SNTB1: variants seen among roughly 807,000 people sequenced by gnomAD.
The protein encoded by SNTB1 is syntrophin beta 1, also known as beta-1-syntrophin.
Under a neutral mutation model 48.9 loss-of-function variants are expected in SNTB1, and 36 were observed. That is an observed-to-expected ratio of 0.74 (90% CI 0.56 to 0.97). The LOEUF (loss-of-function observed/expected upper bound fraction) is 0.97. Ranked by LOEUF, SNTB1 falls within the 50% of genes least tolerant of loss-of-function variation. SNTB1 has a pLI of 0.00. For synonymous variants in SNTB1, 299 were observed against 294.6 expected, an observed-to-expected ratio of 1.01 and a Z score of -0.15; for missense variants, 786 against 703.4, an observed-to-expected ratio of 1.12 and a Z score of -1.33.
chr8:120,683,226 T>A (rs905413166), intron 2 of SNTB1, among the ~76,000 whole-genome samples: 2 of 152,182 alleles, frequency 1.3e-5, no homozygotes, highest in African/African-American at 4.8e-5. Context: ...CTTCTTATGT[T>A]AAATTACACT....
chr8:120,699,101 T>C (rs1001244712), intron 1 of SNTB1, among the ~76,000 whole-genome samples: 2 of 152,216 alleles, frequency 1.3e-5, no homozygotes, highest in African/African-American at 4.8e-5. Context: ...GACTGCTCTG[T>C]ATCCCTGGTG....
At chr8:120,653,814 C>A (rs374922184) in intron 2 of SNTB1, among the ~76,000 whole-genome samples, 20 of 151,502 alleles carry the variant, frequency 1.3e-4, no homozygotes, top group Non-Finnish European at 2.4e-4. Flanking sequence ...CCGAGGCGGG[C>A]GGATCACAAG....
chr8:120,761,813 A>ATC (rs1819425660), intron 1 of SNTB1, among the ~76,000 whole-genome samples: 2 of 152,238 alleles, frequency 1.3e-5, no homozygotes, highest in Non-Finnish European at 2.9e-5. Flanking sequence ...GAATAGATAT[A>ATC]GGATACTTGA....
chr8:120,750,906 G>A (rs1357984836), intron 1 of SNTB1, among the ~76,000 whole-genome samples: 1 of 151,106 alleles, frequency 6.6e-6, no homozygotes, highest in Non-Finnish European at 1.5e-5. Flanking sequence ...CCTTCCCCAA[G>A]CTACCCCCCA....
At chr8:120,672,208 C>T (rs1475695004) in intron 2 of SNTB1, among the ~76,000 whole-genome samples, 1 of 152,190 alleles carries the variant, frequency 6.6e-6, no homozygotes, top group East Asian at 1.9e-4. Flanking sequence ...GTATTAAATG[C>T]ATTTTTGACT....
At chr8:120,548,123 C>T (rs952585302) in intron 5 of SNTB1, among the ~76,000 whole-genome samples, 7 of 151,920 alleles carry the variant, frequency 4.6e-5, no homozygotes, top group Non-Finnish European at 7.4e-5. Context: ...TAAAATAGTG[C>T]GGCACTTTCC....
At chr8:120,621,487 G>A (rs1305754333) in intron 3 of SNTB1, among the ~76,000 whole-genome samples, 1 of 152,146 alleles carries the variant, frequency 6.6e-6, no homozygotes, top group Non-Finnish European at 1.5e-5. Flanking sequence ...GGGAAGGGAG[G>A]TCAGAGAGTA....
At chr8:120,717,704 G>T (rs950158007) in intron 1 of SNTB1, among the ~76,000 whole-genome samples, 1 of 152,176 alleles carries the variant, frequency 6.6e-6, no homozygotes, top group Non-Finnish European at 1.5e-5. Flanking sequence ...ATGATGTGCA[G>T]AGTGGAAGGC....
intron 1 of SNTB1, among the ~76,000 whole-genome samples, chr8:120,791,655 G>T (rs998210326): frequency 6.6e-6 from 1 of 151,668 alleles, no homozygotes; most frequent in Admixed American, 6.6e-5. Flanking sequence ...TTGAAGCTAT[G>T]AATTTCTCAA....
rs1487151392 is a variant in SNTB1, at chr8:120,649,636, C to A, written c.789-16985G>T. Among the ~76,000 whole-genome samples, 100 of 149,876 alleles carry A rather than the reference C, an allele frequency of 6.7e-4. 1 individual carries two copies. The highest frequency in any genetic ancestry group is 2.3e-3 in the African/African-American group (93 of 40,922). ...TGTCTTTTTGTTTGTCTGTGCCCTG[C>A]CCCCAGAGGTGGAGCCTACAGAGGC... On this transcript the variant is annotated intron_variant, in intron 2 of 6. Transcript: ENST00000517992.
intron 1 of SNTB1, among the ~76,000 whole-genome samples, chr8:120,801,343 T>C (rs895953087): frequency 6.6e-6 from 1 of 152,082 alleles, no homozygotes; most frequent in African/African-American, 2.4e-5. Flanking sequence ...ATTTCAGATA[T>C]CCGTAATGGC....
At chr8:120,757,009 T>C (rs1233626144) in intron 1 of SNTB1, among the ~76,000 whole-genome samples, 2 of 152,188 alleles carry the variant, frequency 1.3e-5, no homozygotes, top group African/African-American at 2.4e-5. Context: ...TTCCTTTCCT[T>C]TGGGGTGCCA....
chr8:120,740,870 ATCT>A (rs1563586296), intron 1 of SNTB1, among the ~76,000 whole-genome samples: 1 of 152,184 alleles, frequency 6.6e-6, no homozygotes, highest in Admixed American at 6.5e-5. Context: ...AGCATTTTTA[ATCT>A]TCTCAACAGC....
At chr8:120,803,498 C>T (rs1820267806) in intron 1 of SNTB1, among the ~76,000 whole-genome samples, 1 of 152,158 alleles carries the variant, frequency 6.6e-6, no homozygotes, top group Non-Finnish European at 1.5e-5. Flanking sequence ...ACATTAACAG[C>T]TTTGAAGTGC....
chr8:120,668,601 G>T (rs1817711358), intron 2 of SNTB1, among the ~76,000 whole-genome samples: 1 of 152,146 alleles, frequency 6.6e-6, no homozygotes, highest in African/African-American at 2.4e-5. Flanking sequence ...CTGTAAACAG[G>T]AATCAGTCCC....
intron 1 of SNTB1, among the ~76,000 whole-genome samples, chr8:120,781,406 A>G (rs1819828265): frequency 6.6e-6 from 1 of 152,196 alleles, no homozygotes; most frequent in African/African-American, 2.4e-5. Context: ...TCACTTGGAT[A>G]ATGTATGAAA....
intron 1 of SNTB1, among the ~76,000 whole-genome samples, chr8:120,773,498 A>G (rs943266011): frequency 1.3e-5 from 2 of 152,246 alleles, no homozygotes; most frequent in Non-Finnish European, 2.9e-5. Context: ...GGCCTTATCC[A>G]TTTGAAGAAG....
intron 1 of SNTB1, among the ~76,000 whole-genome samples, chr8:120,724,094 C>T (rs763670193): frequency 2.6e-5 from 4 of 152,220 alleles, no homozygotes; most frequent in Non-Finnish European, 5.9e-5. Flanking sequence ...TCTGAAGCTA[C>T]AGAAGAAACC....
intron 1 of SNTB1, among the ~76,000 whole-genome samples, chr8:120,811,021 A>T (rs934691134): frequency 2.6e-5 from 4 of 152,078 alleles, no homozygotes; most frequent in Non-Finnish European, 5.9e-5. Flanking sequence ...TCGCTTTTCC[A>T]TACACCCCTC....
Sources: gnomAD v4.1 joint callset for allele counts (sites outside exome capture counted in the v4.1 genomes callset) on GRCh38, gnomAD v4.1.1 for gene constraint, MANE v1.5 for transcripts, NCBI Gene and HGNC (gene_info 2026-07-23, HGNC 2026-07-21) for gene names.